Variants in SEPTIN6 observed in about 807,000 individuals in gnomAD.
The protein encoded by SEPTIN6 is septin 6.
SEPTIN6 carries 8 observed loss-of-function variants against 33.6 expected under a neutral mutation model. The ratio of observed to expected loss-of-function variants is 0.24; its 90% CI spans 0.14 to 0.43. The LOEUF is 0.43. SEPTIN6 is among the 20% of genes least tolerant of loss of function. The pLI is 1.00. For synonymous variants in SEPTIN6, 131 were observed against 140.0 expected (o/e 0.94, Z 0.45); for missense variants, 250 against 340.8 (o/e 0.73, Z 2.10).
Position 119,617,094 on chromosome X carries a change from G to A in SEPTIN6, c.*2999C>T. 1.2e-6 allele frequency: 1 copy of A among 842,815 alleles called. No individual in the cohort carries two copies. 69.5% of individuals were successfully genotyped at this position (842,815 alleles called of 1,213,427 possible). A position where few individuals can be genotyped will look rare whatever the true frequency, so the allele number is the denominator to read the frequency against. On this transcript the variant is annotated 3_prime_UTR_variant, in exon 11 of 11. Transcript: ENST00000394610. ...TTGGCTTAAGAGAAGTGAGGGATGT[G>A]TGTACGTGTGTGTGTGTGTGTGTGT...
chrX:119,670,811 G>A (rs777786481), intron 2 of SEPTIN6, among the ~76,000 whole-genome samples: 187 of 108,662 alleles, frequency 1.7e-3, no homozygotes, highest in African/African-American at 5.9e-3. Context: ...GGTGGTGCAC[G>A]CCCATAATCT....
At chrX:119,681,074 A>G (rs760874070) in intron 1 of SEPTIN6, among the ~76,000 whole-genome samples, 3 of 111,067 alleles carry the variant, frequency 2.7e-5, no homozygotes, top group Non-Finnish European at 5.7e-5. Flanking sequence ...ATCTTATAAG[A>G]TGTCAAGGTC....
At chrX:119,620,191 T>C (rs1161426039) in intron 10 of SEPTIN6, 140 bp from the exon 11 acceptor site, 5 of 488,481 alleles carry the variant, frequency 1.0e-5, no homozygotes, top group Admixed American at 7.4e-5. Context: ...TAAGGTCTTA[T>C]TGCATTGGCT....
rs1389342206 is a variant in SEPTIN6, at chrX:119,650,031, A to G, written c.596T>C (p.Ile199Thr). ...GCTGACAAGCTCGCTGGTGATTTTG[A>G]TTTTGAACTTTGTTAGCTCACTCTT... ...ISKSELTKFK[I>T]KITSELVSNG... is the part of the protein sequence containing the mutation. The change falls in exon 5 of 11, where the codon ATC (isoleucine) becomes ACC (threonine). Residue 199 changes from isoleucine to threonine, a missense_variant. Coordinates refer to ENST00000394610, the MANE Select transcript of SEPTIN6 (RefSeq NM_145799.4). 8.3e-7 allele frequency: 1 copy of G among 1,211,272 alleles called. No homozygotes were observed.
chrX:119,661,396 G>A (rs769262818), intron 3 of SEPTIN6, among the ~76,000 whole-genome samples: 59 of 110,748 alleles, frequency 5.3e-4, no homozygotes, highest in East Asian at 3.7e-3. Context: ...ACACCACTGC[G>A]CTCCAGCCTG....
intron 5 of SEPTIN6, among the ~76,000 whole-genome samples, chrX:119,648,067 C>T (rs1203583316): frequency 1.8e-5 from 2 of 109,081 alleles, no homozygotes; most frequent in Non-Finnish European, 3.8e-5. Context: ...CCCAGAATCC[C>T]TTCACAGCCA....
chrX:119,677,815 A>G (rs2054866963), intron 1 of SEPTIN6, among the ~76,000 whole-genome samples: 1 of 112,626 alleles, frequency 8.9e-6, no homozygotes, highest in African/African-American at 3.2e-5. Context: ...GGTGAATGCC[A>G]TGTGGCAAGT....
At chrX:119,686,641 C>A in intron 1 of SEPTIN6, 1 of 957,972 alleles carries the variant, frequency 1.0e-6, no homozygotes, top group African/African-American at 2.0e-5. Flanking sequence ...GAAGCCTCCT[C>A]CTGCCAAACT....
chrX:119,618,337 A>C lies in SEPTIN6; in HGVS notation c.*1756T>G. The C allele has an allele frequency of 1.2e-6, 1 of 816,598 alleles. No homozygotes were observed. Among genetic ancestry groups the C allele is most frequent in the Middle Eastern group, 6.0e-4 (1 of 1,663 alleles). 67.3% of individuals were successfully genotyped at this position (816,598 alleles called of 1,213,427 possible). A position where few individuals can be genotyped will look rare whatever the true frequency, so the allele number is the denominator to read the frequency against. Reference sequence around the variant, plus strand: ...CCAATCAATAGAGCACCAAACCTACACAGCAAACCTATATTCTTGCTTTGT... The same window carrying C: ...CCAATCAATAGAGCACCAAACCTACCCAGCAAACCTATATTCTTGCTTTGT... On this transcript the variant is annotated 3_prime_UTR_variant, in exon 11 of 11. Coordinates refer to ENST00000394610, the MANE Select transcript of SEPTIN6 (RefSeq NM_145799.4).
chrX:119,658,455 T>C (rs931046024), intron 3 of SEPTIN6, among the ~76,000 whole-genome samples: 3 of 112,342 alleles, frequency 2.7e-5, no homozygotes, highest in African/African-American at 9.7e-5. Context: ...AAATTTAGAC[T>C]GTTTAAATTG....
At position 119,688,706 on chromosome X, in the gene SEPTIN6, C is replaced by CA. The variant is rs1173038098; in HGVS notation, c.30+4369_30+4370insT. On this transcript the variant is annotated intron_variant, in intron 1 of 10. Transcript: ENST00000394610. ...TGGGCGACAGAACAAGACTCCATCT[C>CA]GGGGAAAAAAAAAAAAAAAAGGAAA... is the stretch of plus-strand genomic sequence containing the variant. 5.7e-3 allele frequency among the ~76,000 whole-genome samples: 484 copies of CA among 85,620 alleles called. 7 individuals are homozygous for CA. Among genetic ancestry groups the CA allele is most frequent in the African/African-American group, 0.029 (444 of 15,138 alleles). The allele number at this position is 85,620 out of a possible 115,157, so 74.4% of individuals were successfully genotyped here. A position where few individuals can be genotyped will look rare whatever the true frequency, so the allele number is the denominator to read the frequency against.
Position 119,665,547 on chromosome X carries a change from G to T in SEPTIN6, c.146-1870C>A, listed in dbSNP as rs144372538. Among the ~76,000 whole-genome samples the T allele has an allele frequency of 7.1e-5, 8 of 112,102 alleles. No individual in the cohort carries two copies. The South Asian group carries it at 3.0e-3, about 41-fold the overall frequency. On this transcript the variant is annotated intron_variant, in intron 2 of 10. Transcript: ENST00000394610. The stretch of plus-strand genomic sequence containing the variant: ...GTAGGGGAAAGGCTGTGGCAGACTG[G>T]TGAAGGTTTTGGAAGCTTATTCCTG...
chrX:119,624,144 G>GTTTTTTTT, intron 10 of SEPTIN6: 1 of 211,636 alleles, frequency 4.7e-6, no homozygotes, highest in African/African-American at 4.1e-5. Flanking sequence ...TTTATTATGG[G>GTTTTTTTT]TTTTTTTTTT....
At chrX:119,631,182 C>CTTTTTTTTTTTTTTT (rs1045034639) in intron 8 of SEPTIN6, among the ~76,000 whole-genome samples, 1 of 94,981 alleles carries the variant, frequency 1.1e-5, no homozygotes, top group African/African-American at 4.0e-5. Flanking sequence ...TTTTTCTTTT[C>CTTTTTTTTTTTTTTT]TTTTTTTTTT....
chrX:119,635,008 CAA>C (rs56090830), intron 7 of SEPTIN6: 5,012 of 138,484 alleles, frequency 0.036, no homozygotes, highest in East Asian at 0.053. Context: ...GACTCTGTCT[CAA>C]AAAAAAAAAA....
chrX:119,680,577 TG>T (rs1468586412), intron 1 of SEPTIN6, among the ~76,000 whole-genome samples: 1 of 111,004 alleles, frequency 9.0e-6, no homozygotes, highest in African/African-American at 3.3e-5. Flanking sequence ...CTAAATTAAC[TG>T]AGGAGTTTGG....
intron 5 of SEPTIN6, among the ~76,000 whole-genome samples, chrX:119,644,243 C>T (rs557564101): frequency 4.5e-5 from 5 of 110,908 alleles, no homozygotes; most frequent in Non-Finnish European, 7.6e-5. Flanking sequence ...TCCAATGAGG[C>T]GCCCTCGGAT....
At chrX:119,680,697 T>C (rs1427237794) in intron 1 of SEPTIN6, among the ~76,000 whole-genome samples, 5 of 110,127 alleles carry the variant, frequency 4.5e-5, no homozygotes, top group Non-Finnish European at 9.5e-5. Context: ...AAAAATGTAT[T>C]TGTGGCCAGG....
chrX:119,650,519 G>A (rs1157800180), intron 4 of SEPTIN6, among the ~76,000 whole-genome samples: 1 of 111,981 alleles, frequency 8.9e-6, no homozygotes, highest in Non-Finnish European at 1.9e-5. Flanking sequence ...TGAGCTGTAT[G>A]TTATCTTGGT....
Sources: gnomAD v4.1 joint callset for allele counts (sites outside exome capture counted in the v4.1 genomes callset) on GRCh38, gnomAD v4.1.1 for gene constraint, MANE v1.5 for transcripts, NCBI Gene and HGNC (gene_info 2026-07-23, HGNC 2026-07-21) for gene names.